The following ANAPC15 variants were observed in gnomAD, a reference collection of about 807,000 sequenced individuals.
ANAPC15 encodes anaphase promoting complex subunit 15.
ANAPC15 carries 13 observed loss-of-function variants against 19.8 expected under a neutral mutation model. That is an observed-to-expected ratio of 0.66 (90% CI 0.43 to 1.04). The LOEUF (loss-of-function observed/expected upper bound fraction) is 1.04. ANAPC15 is among the 50% of genes least tolerant of loss of function. ANAPC15 has a pLI of 0.00. For synonymous variants in ANAPC15, 45 were observed against 50.7 expected, an observed-to-expected ratio of 0.89 and a Z score of 0.47; for missense variants, 88 against 150.3, an observed-to-expected ratio of 0.59 and a Z score of 2.17.
At chr11:72,107,815 C>T, downstream of ANAPC15, 2 of 1,253,332 alleles carry the variant, frequency 1.6e-6, no homozygotes, top group Non-Finnish European at 2.2e-6. Flanking sequence ...AGATGAGACC[C>T]CGGCTGGTTG....
At chr11:72,108,792 C>T, downstream of ANAPC15, 1 of 1,550,554 alleles carries the variant, frequency 6.4e-7, no homozygotes, top group Non-Finnish European at 8.7e-7. Context: ...GTGCTCTTCC[C>T]TGGTGCACCC....
intron 1 of ANAPC15, chr11:72,111,906 T>C (rs117818925): frequency 0.013 from 1,926 of 153,310 alleles, 17 homozygotes; most frequent in South Asian, 0.032. Context: ...AGATGGAAGA[T>C]TGAATGGATG....
intron 4 of ANAPC15, 94 bp downstream of exon 4, chr11:72,110,450 A>G (rs1164678506): frequency 3.8e-6 from 6 of 1,569,920 alleles, no homozygotes; most frequent in Non-Finnish European, 5.2e-6. Flanking sequence ...GAGAACCACA[A>G]CTGCTCTGGG....
intron 3 of ANAPC15, 30 bp from the exon 4 acceptor site, chr11:72,110,633 C>T: frequency 6.2e-7 from 1 of 1,614,018 alleles, no homozygotes; most frequent in East Asian, 2.2e-5. Context: ...GGAACAAGGC[C>T]AGAGCCCAAG....
At chr11:72,110,325 C>A in intron 4 of ANAPC15, 100 bp from the exon 5 acceptor site, 3 of 1,587,024 alleles carry the variant, frequency 1.9e-6, no homozygotes, top group Non-Finnish European at 2.6e-6. Context: ...GAATGACCCC[C>A]TACCCCGACA....
intron 4 of ANAPC15, 148 bp downstream of exon 4, chr11:72,110,396 T>A: frequency 6.6e-7 from 1 of 1,508,978 alleles, no homozygotes; most frequent in South Asian, 1.2e-5. Context: ...CTAGGCCCAA[T>A]GCCCACCCCT....
At chr11:72,111,690 G>A (rs1430195567) in intron 1 of ANAPC15, among the ~76,000 whole-genome samples, 194 bp from the exon 2 acceptor site, 1 of 152,170 alleles carries the variant, frequency 6.6e-6, no homozygotes, top group Non-Finnish European at 1.5e-5. Flanking sequence ...GGGTTCTACT[G>A]AAACTATCCC....
At chr11:72,110,794 T>C (rs1946618154) in intron 3 of ANAPC15, 191 bp from the exon 4 acceptor site, 1 of 614,382 alleles carries the variant, frequency 1.6e-6, no homozygotes, top group Non-Finnish European at 2.8e-6. Context: ...TTAAACTCTC[T>C]GAGCCTTCTT....
downstream of ANAPC15, chr11:72,107,123 C>A: frequency 3.0e-6 from 1 of 331,718 alleles, no homozygotes; most frequent in South Asian, 6.4e-5. Context: ...AAAAATTAGC[C>A]GGGTGTGGTG....
chr11:72,112,519 T>C (rs1275637375), intron 1 of ANAPC15, 131 bp downstream of exon 1: 5 of 329,872 alleles, frequency 1.5e-5, no homozygotes, highest in Non-Finnish European at 3.1e-5. Flanking sequence ...GCCAATGAGC[T>C]GGAGCTCTTT....
chr11:72,107,187 A>G, downstream of ANAPC15: 1 of 493,800 alleles, frequency 2.0e-6, no homozygotes, highest in South Asian at 2.9e-5. Flanking sequence ...GGATTGCCTG[A>G]GCCTGGGTGG....
chr11:72,109,304 C>T (rs73543612), downstream of ANAPC15: 28,786 of 470,304 alleles, frequency 0.061, 1,575 homozygotes, highest in East Asian at 0.16. Flanking sequence ...TCCCAGTTCT[C>T]GGCCTCAGAA....
downstream of ANAPC15, chr11:72,107,404 A>T (rs1017622851): frequency 1.4e-6 from 1 of 698,000 alleles, no homozygotes; most frequent in Non-Finnish European, 2.6e-6. Context: ...TCTGCCTGGG[A>T]CTTCATGGAG....
downstream of ANAPC15, chr11:72,108,942 T>C: frequency 6.7e-7 from 1 of 1,493,630 alleles, no homozygotes; most frequent in South Asian, 1.3e-5. Context: ...GGCCCAGGGG[T>C]ACTTACTGAT....
downstream of ANAPC15, chr11:72,107,211 G>A (rs1293760386): frequency 3.7e-6 from 2 of 546,680 alleles, no homozygotes; most frequent in Non-Finnish European, 6.5e-6. Flanking sequence ...AGGCTGCAGT[G>A]AGCCGTGATC....
At position 72,112,655 on chromosome 11, in the gene ANAPC15, CGG is replaced by C; in HGVS notation, c.-103_-102del. 2.2e-6 allele frequency: 1 copy of C among 456,630 alleles called. No homozygotes were observed. The highest frequency in any genetic ancestry group is 1.5e-5 in the South Asian group (1 of 64,548). 28.3% of individuals were successfully genotyped at this position (456,630 alleles called of 1,614,324 possible). ...AGCCTTGCGTCTGTACTTACCGCGC[CGG>C]GAGGCTGCTGCCGGCGGCGACCCGG... On this transcript the variant is annotated 5_prime_UTR_variant, in exon 1 of 6. Transcript: ENST00000227618.
downstream of ANAPC15, chr11:72,107,359 G>A (rs1213604661): frequency 3.0e-6 from 2 of 655,958 alleles, no homozygotes; most frequent in Non-Finnish European, 5.6e-6. Context: ...TTCTAACAGA[G>A]ACCTTTCATA....
chr11:72,112,485 G>T, intron 1 of ANAPC15, 165 bp downstream of exon 1: 1 of 297,732 alleles, frequency 3.4e-6, no homozygotes. Context: ...GTGTGACGGG[G>T]TGGGGCTTAG....
chr11:72,108,976 C>A (rs1946042055), downstream of ANAPC15: 3 of 1,416,836 alleles, frequency 2.1e-6, no homozygotes, highest in Non-Finnish European at 1.9e-6. Flanking sequence ...CCCACCCAAG[C>A]AGGGACCTCA....
Sources: gnomAD v4.1 joint callset for allele counts (sites outside exome capture counted in the v4.1 genomes callset) on GRCh38, gnomAD v4.1.1 for gene constraint, MANE v1.5 for transcripts, NCBI Gene and HGNC (gene_info 2026-07-23, HGNC 2026-07-21) for gene names.